EMILIN1: variants seen among roughly 807,000 people sequenced by gnomAD.
EMILIN1 encodes the protein EMILIN-1.
A neutral mutation model predicts 82.4 loss-of-function variants in EMILIN1; 49 were observed. The observed-to-expected ratio is 0.59, with a 90% CI of 0.47 to 0.75. The LOEUF is 0.75. Ranked by LOEUF, EMILIN1 falls within the 30% of genes least tolerant of loss-of-function variation. The pLI is 0.00. For synonymous variants in EMILIN1, 604 were observed against 602.2 expected (o/e 1.00, Z -0.04); for missense variants, 1,313 against 1,366.4 (o/e 0.96, Z 0.62).
chr2:27,085,413 AC>A, intron 7 of EMILIN1, 116 bp downstream of exon 7: 1 of 1,300,480 alleles, frequency 7.7e-7, no homozygotes, highest in Non-Finnish European at 1.1e-6. Flanking sequence ...ATTTGGGGAG[AC>A]CCCGGCTCTT....
intron 6 of EMILIN1, 28 bp from the exon 7 acceptor site, chr2:27,085,132 C>G (rs1276639414): frequency 1.2e-6 from 2 of 1,613,868 alleles, no homozygotes; most frequent in Non-Finnish European, 1.7e-6. Context: ...CCTGAGCATC[C>G]CCTTTAACAT....
rs1669554200 is a variant in EMILIN1 at position 27,084,470 on chromosome 2, C to T, written c.2496C>T (p.Gly832=). The change falls in exon 5 of 8, where the codon GGC becomes GGT. Residue 832 remains glycine (G), a synonymous_variant. Transcript: ENST00000380320. ...PGPPGLQGPP[G]PAGPPGSPGK... Reference sequence around the variant, plus strand: ...CTCCTGGGCTGCAGGGACCCCCAGGCCCTGCTGGACCTCCAGGATCACCAG... The same window carrying T: ...CTCCTGGGCTGCAGGGACCCCCAGGTCCTGCTGGACCTCCAGGATCACCAG... 1 of 1,613,024 alleles carries T rather than the reference C, an allele frequency of 6.2e-7. No homozygotes were observed. The highest frequency in any genetic ancestry group is 8.5e-7 in the Non-Finnish European group (1 of 1,179,866).
rs759558596 is a variant in EMILIN1, at chr2:27,082,376, AGCAGCAGTGGGG to A, written c.813_824del (p.Ser271_Ser274del). 6.2e-7 allele frequency: 1 copy of A among 1,610,974 alleles called. No homozygotes were observed. The highest frequency in any genetic ancestry group is 2.2e-5 in the East Asian group (1 of 44,870). On this transcript the variant is annotated inframe_deletion, in exon 4 of 8. Coordinates refer to ENST00000380320, the MANE Select transcript of EMILIN1 (RefSeq NM_007046.4). The stretch of plus-strand genomic sequence containing the variant: ...CCTCAACAACCATCATGGCGGCAGC[AGCAGCAGTGGGG>A]GCAGCAGGGCCCCAGCCCCAGCCTC...
rs769548446 is a variant in EMILIN1 at position 27,078,735 on chromosome 2, G to T, written c.-331G>T. The T allele has an allele frequency of 2.5e-5, 7 of 282,444 alleles. No individual in the cohort carries two copies. The highest frequency in any genetic ancestry group is 4.4e-5 in the African/African-American group (2 of 45,652). The allele number at this position is 282,444 out of a possible 1,614,324, so 17.5% of individuals were successfully genotyped here. A position where few individuals can be genotyped will look rare whatever the true frequency, so the allele number is the denominator to read the frequency against. Reference sequence around the variant, plus strand: ...GCTGGGACGAGGGGGCGGACGCCCAGGAGGCAACTTCTGAGACGCAGCTCC... The same window carrying T: ...GCTGGGACGAGGGGGCGGACGCCCATGAGGCAACTTCTGAGACGCAGCTCC... On this transcript the variant is annotated 5_prime_UTR_variant, in exon 1 of 8. The change creates a new upstream start codon in the 5' untranslated region. Coordinates refer to ENST00000380320, the MANE Select transcript of EMILIN1 (RefSeq NM_007046.4).
At chr2:27,084,572 TG>T in intron 5 of EMILIN1, 41 bp downstream of exon 5, 1 of 1,302,294 alleles carries the variant, frequency 7.7e-7, no homozygotes, top group Non-Finnish European at 1.1e-6. Flanking sequence ...GGGTTGCCAC[TG>T]CCCCCTCCAA....
Position 27,082,743 on chromosome 2 carries a change from C to G in EMILIN1, c.1172C>G (p.Ala391Gly). 1 of 1,542,162 alleles carries G rather than the reference C, an allele frequency of 6.5e-7. No individual in the cohort carries two copies. Among genetic ancestry groups the G allele is most frequent in the Non-Finnish European group, 8.7e-7 (1 of 1,149,704 alleles). The change falls in exon 4 of 8, where the codon GCG becomes GGG. Residue 391 changes from alanine to glycine, a missense_variant. Physicochemically the swap from Ala to Gly is moderately conservative, Grantham distance 60. Coordinates refer to ENST00000380320, the MANE Select transcript of EMILIN1 (RefSeq NM_007046.4). ...GRRGTELGGA[A>G]GQGGHPPGYT... ...CGAGGCACAGAGCTGGGAGGAGCCG[C>G]GGGGCAGGGAGGCCACCCCCCAGGC... is the stretch of plus-strand genomic sequence containing the variant.
rs371224998 is a variant in EMILIN1, at chr2:27,082,920, G to C, written c.1349G>C (p.Gly450Ala). ...GCCCGGGGCCGACTAGAGCAGTTGGGGGGGCTGCTGGCCAATGTGAGCGGG... is the reference window on the plus strand; with the variant it reads ...GCCCGGGGCCGACTAGAGCAGTTGGCGGGGCTGCTGGCCAATGTGAGCGGG... Reference protein sequence around the residue: ...PAARGRLEQLGGLLANVSGEL... With the variant: ...PAARGRLEQLAGLLANVSGEL... The change falls in exon 4 of 8, where the codon GGG (glycine) becomes GCG (alanine). Residue 450 changes from glycine (G) to alanine (A), a missense_variant. Transcript: ENST00000380320. 161 of 1,596,646 alleles carry C rather than the reference G, an allele frequency of 1.0e-4. 2 individuals carry two copies. In the South Asian group the frequency reaches 1.6e-3, roughly 16 times the overall value.
In EMILIN1 at chr2:27,083,263, G is replaced by T; in HGVS notation, c.1692G>T (p.Ala564=). The T allele has an allele frequency of 1.9e-6, 3 of 1,612,532 alleles. No homozygotes were observed. The South Asian group carries it at 3.3e-5, about 18-fold the overall frequency. The change falls in exon 4 of 8, where the codon GCG becomes GCT. Residue 564 remains alanine (A), a synonymous_variant. Transcript: ENST00000380320. ...TCACACTACGGCTGAATCTCACTGC[G>T]GCCCGGCTAGGCCAACTGGAGGGGC... ...AEFTLRLNLT[A]ARLGQLEGLL...
intron 1 of EMILIN1, among the ~76,000 whole-genome samples, chr2:27,079,800 G>A (rs1022008961): frequency 2.0e-5 from 3 of 152,226 alleles, no homozygotes; most frequent in Non-Finnish European, 4.4e-5. Context: ...CACAGGGCCC[G>A]GGCTGGCTAT....
At chr2:27,080,637 C>A in intron 2 of EMILIN1, 95 bp from the exon 3 acceptor site, 1 of 1,037,738 alleles carries the variant, frequency 9.6e-7, no homozygotes, top group Non-Finnish European at 1.4e-6. Flanking sequence ...GAGGGACAGG[C>A]CATGCCCACC....
chr2:27,081,006 A>G, intron 3 of EMILIN1, 54 bp downstream of exon 3: 2 of 1,353,638 alleles, frequency 1.5e-6, no homozygotes, highest in Non-Finnish European at 2.0e-6. Flanking sequence ...GATCCAATGC[A>G]ATGGGAAATG....
chr2:27,085,495 G>A (rs1247348625), intron 7 of EMILIN1, among the ~76,000 whole-genome samples, 183 bp from the exon 8 acceptor site: 1 of 152,206 alleles, frequency 6.6e-6, no homozygotes, highest in African/African-American at 2.4e-5. Flanking sequence ...ATCTTTACTG[G>A]GGCCTGCTCC....
In EMILIN1 at chr2:27,083,578, G is replaced by A. The variant is rs1572847205; in HGVS notation, c.2007G>A (p.Glu669=). The change falls in exon 4 of 8, where the codon GAG becomes GAA. Residue 669 remains glutamate, a synonymous_variant. Coordinates refer to ENST00000380320, the MANE Select transcript of EMILIN1 (RefSeq NM_007046.4). ...DSLNELQTTV[E]GQGADLADLG... ...TGAATGAGCTCCAGACCACTGTGGA[G>A]GGCCAGGGCGCTGATCTGGCTGACC... 1 of 1,614,008 alleles carries A rather than the reference G, an allele frequency of 6.2e-7. No homozygotes were observed. The highest frequency in any genetic ancestry group is 2.2e-5 in the East Asian group (1 of 44,882).
At chr2:27,080,685 C>G (rs373794907) in intron 2 of EMILIN1, 47 bp from the exon 3 acceptor site, 2 of 1,515,392 alleles carry the variant, frequency 1.3e-6, no homozygotes, top group Non-Finnish European at 1.8e-6. Context: ...ACCAGGGTCA[C>G]TGACCGTACA....
chr2:27,083,621 C>G lies in EMILIN1; in HGVS notation c.2050C>G (p.Arg684Gly). The part of the protein sequence containing the change: ...DLADLGATKD[R>G]IISEINRLQQ... Reference sequence around the variant, plus strand: ...GGCTGACCTGGGGGCAACCAAGGACCGTATCATTTCTGAGATTAACAGGCT... The same window carrying G: ...GGCTGACCTGGGGGCAACCAAGGACGGTATCATTTCTGAGATTAACAGGCT... Residue 684 changes from arginine to glycine, a missense_variant, in exon 4 of 8, where the codon CGT becomes GGT. Physicochemically the swap from Arg to Gly is moderately radical, Grantham distance 125. Coordinates refer to ENST00000380320, the MANE Select transcript of EMILIN1 (RefSeq NM_007046.4). The G allele has an allele frequency of 3.1e-6, 5 of 1,612,574 alleles. No individual in the cohort carries two copies. Among genetic ancestry groups the G allele is most frequent in the South Asian group, 2.2e-5 (2 of 90,980 alleles).
rs746068703 is a variant in EMILIN1 at position 27,083,110 on chromosome 2, G to A, written c.1539G>A (p.Leu513=). ...RVLDSEGQLR[L]VGSGLHTVEA... is the part of the protein sequence containing the mutation. Reference sequence around the variant, plus strand: ...TGGACAGTGAGGGGCAGCTGCGGCTGGTGGGCTCCGGCCTGCACACGGTGG... The same window carrying A: ...TGGACAGTGAGGGGCAGCTGCGGCTAGTGGGCTCCGGCCTGCACACGGTGG... The change falls in exon 4 of 8, where the codon CTG becomes CTA. Residue 513 remains leucine (L), a synonymous_variant. Transcript: ENST00000380320. 6.4e-7 allele frequency: 1 copy of A among 1,565,124 alleles called. No individual in the cohort carries two copies.
rs376032560 is a variant in EMILIN1 at position 27,083,400 on chromosome 2, G to A, written c.1829G>A (p.Arg610Gln). ...ERCSCPLLPPRGPGAGPGVGG... is the reference protein window; with the variant it reads ...ERCSCPLLPPQGPGAGPGVGG... ...TGCTCCTGCCCCCTGTTGCCTCCTCGGGGTCCTGGGGCTGGTCCAGGTGTT... is the reference window on the plus strand; with the variant it reads ...TGCTCCTGCCCCCTGTTGCCTCCTCAGGGTCCTGGGGCTGGTCCAGGTGTT... Residue 610 changes from arginine (R) to glutamine (Q), a missense_variant, in exon 4 of 8, where the codon CGG becomes CAG. Coordinates refer to ENST00000380320, the MANE Select transcript of EMILIN1 (RefSeq NM_007046.4). The A allele has an allele frequency of 1.2e-5, 19 of 1,612,026 alleles. No homozygotes were observed. Among genetic ancestry groups the A allele is most frequent in the South Asian group, 5.5e-5 (5 of 91,084 alleles).
chr2:27,085,412 G>T, intron 7 of EMILIN1, 115 bp downstream of exon 7: 1 of 1,319,056 alleles, frequency 7.6e-7, no homozygotes, highest in Non-Finnish European at 1.1e-6. Context: ...GATTTGGGGA[G>T]ACCCCGGCTC....
At position 27,079,018 on chromosome 2, in the gene EMILIN1, G is replaced by C. The variant is rs747081578; in HGVS notation, c.-48G>C. The C allele has an allele frequency of 6.9e-7, 1 of 1,444,090 alleles. No individual in the cohort carries two copies. Among genetic ancestry groups the C allele is most frequent in the Non-Finnish European group, 9.2e-7 (1 of 1,087,154 alleles). 89.5% of individuals were successfully genotyped at this position (1,444,090 alleles called of 1,614,324 possible). On this transcript the variant is annotated 5_prime_UTR_variant, in exon 1 of 8. Transcript: ENST00000380320. The stretch of plus-strand genomic sequence containing the variant: ...ATCCCCGGGGCCGGCAGAGGCGCCA[G>C]TGGCTGGGCGGGATGAGTCTCTGAG...
Sources: gnomAD v4.1 joint callset for allele counts (sites outside exome capture counted in the v4.1 genomes callset) on GRCh38, gnomAD v4.1.1 for gene constraint, MANE v1.5 for transcripts, NCBI Gene and HGNC (gene_info 2026-07-23, HGNC 2026-07-21) for gene names.